EIF4G3: variants seen among roughly 807,000 people sequenced by gnomAD.
EIF4G3 encodes the protein eukaryotic translation initiation factor 4 gamma 3.
In EIF4G3, 34 loss-of-function variants were observed where a neutral mutation model predicts 186.4. That is an observed-to-expected ratio of 0.18 (90% CI 0.14 to 0.24). EIF4G3 has a LOEUF of 0.24. Ranked by LOEUF, EIF4G3 falls within the 10% of genes least tolerant of loss-of-function variation. The pLI, the probability that EIF4G3 is intolerant of heterozygous loss-of-function variation, is 1.00. For missense variants in EIF4G3, 1,536 were observed against 1,948.5 expected (o/e 0.79, Z 3.99); for synonymous variants, 673 against 679.5 (o/e 0.99, Z 0.15).
intron 2 of EIF4G3, among the ~76,000 whole-genome samples, chr1:21,127,004 G>C (rs1340194376): frequency 6.6e-6 from 1 of 151,928 alleles, no homozygotes. Flanking sequence ...TTGTTGTTGA[G>C]AAAAGGTCTC....
intron 25 of EIF4G3, among the ~76,000 whole-genome samples, chr1:20,855,809 C>T (rs1223109646): frequency 1.3e-5 from 2 of 152,084 alleles, no homozygotes; most frequent in Admixed American, 6.6e-5. Flanking sequence ...ATATGTATAA[C>T]GGTTTTGTTC....
At chr1:21,101,395 C>CTT (rs1362959242) in intron 2 of EIF4G3, among the ~76,000 whole-genome samples, 1 of 151,768 alleles carries the variant, frequency 6.6e-6, no homozygotes, top group African/African-American at 2.4e-5. Flanking sequence ...TGGCAAAACT[C>CTT]TGTCTCTACC....
chr1:20,830,181 A>G lies in EIF4G3; in HGVS notation c.4062-909T>C, dbSNP rs2064738862. On this transcript the variant is annotated intron_variant, in intron 30 of 36. Transcript: ENST00000602326. ...CCCTTTCAGATCTCTACAATTGTAA[A>G]ACGTGTGCTTTTCCACTGCAGTTCC... Among the ~76,000 whole-genome samples, 3 of 152,152 alleles carry G rather than the reference A, an allele frequency of 2.0e-5. No individual in the cohort carries two copies. The East Asian group carries it at 5.8e-4, about 29-fold the overall frequency.
At chr1:20,809,793 C>T (rs948077670) in intron 36 of EIF4G3, among the ~76,000 whole-genome samples, 16 of 152,174 alleles carry the variant, frequency 1.1e-4, no homozygotes, top group Non-Finnish European at 2.4e-4. Flanking sequence ...TCCTAAGTCA[C>T]AACAGACATA....
intron 2 of EIF4G3, among the ~76,000 whole-genome samples, chr1:21,101,048 G>A (rs2096506813): frequency 6.6e-6 from 1 of 152,098 alleles, no homozygotes; most frequent in Non-Finnish European, 1.5e-5. Flanking sequence ...ATCAGATGAA[G>A]ACTGTCAATA....
At chr1:21,137,643 T>C (rs1044784189) in intron 2 of EIF4G3, among the ~76,000 whole-genome samples, 2 of 151,626 alleles carry the variant, frequency 1.3e-5, no homozygotes, top group Non-Finnish European at 2.9e-5. Context: ...ACCTTATCTT[T>C]ACAAAATTAA....
At chr1:20,870,952 T>C (rs945897294) in intron 20 of EIF4G3, among the ~76,000 whole-genome samples, 3 of 152,164 alleles carry the variant, frequency 2.0e-5, no homozygotes, top group African/African-American at 7.2e-5. Context: ...GCTGCATATA[T>C]GGATGGATAT....
intron 2 of EIF4G3, chr1:21,168,175 G>A: frequency 2.7e-6 from 1 of 370,720 alleles, no homozygotes; most frequent in Non-Finnish European, 5.6e-6. Flanking sequence ...AGGCTGAGGT[G>A]GGCAGATCAC....
At chr1:21,129,063 C>G (rs1050276165) in intron 2 of EIF4G3, among the ~76,000 whole-genome samples, 2 of 151,758 alleles carry the variant, frequency 1.3e-5, no homozygotes, top group Non-Finnish European at 3.0e-5. Flanking sequence ...GCCTGTAATC[C>G]CACAATTTTG....
At chr1:21,141,824 G>C (rs1340313904) in intron 2 of EIF4G3, among the ~76,000 whole-genome samples, 1 of 151,844 alleles carries the variant, frequency 6.6e-6, no homozygotes, top group African/African-American at 2.4e-5. Flanking sequence ...CCAGCTACTA[G>C]AGAGGTTGAA....
intron 3 of EIF4G3, among the ~76,000 whole-genome samples, chr1:21,068,855 T>C (rs1178990371): frequency 1.3e-5 from 2 of 152,218 alleles, no homozygotes; most frequent in African/African-American, 2.4e-5. Context: ...TTTCAGATTT[T>C]GGAACACCTG....
intron 18 of EIF4G3, among the ~76,000 whole-genome samples, chr1:20,887,547 C>T (rs2084603186): frequency 6.6e-6 from 1 of 151,902 alleles, no homozygotes; most frequent in African/African-American, 2.4e-5. Flanking sequence ...AAGAATGCAT[C>T]AGGATCAAAA....
intron 36 of EIF4G3, among the ~76,000 whole-genome samples, chr1:20,809,217 C>G (rs1413383814): frequency 1.3e-5 from 2 of 152,140 alleles, no homozygotes; most frequent in African/African-American, 4.8e-5. Flanking sequence ...GGGTGATCTG[C>G]ATGCCTCGGC....
At chr1:21,071,532 C>T (rs2095440002) in intron 3 of EIF4G3, among the ~76,000 whole-genome samples, 1 of 152,138 alleles carries the variant, frequency 6.6e-6, no homozygotes, top group Non-Finnish European at 1.5e-5. Flanking sequence ...CAAAAACTGG[C>T]ATTTGAAAAG....
chr1:20,952,859 G>GCAAACAAA (rs71014132), intron 12 of EIF4G3, among the ~76,000 whole-genome samples: 9,654 of 151,056 alleles, frequency 0.064, 372 homozygotes, highest in Non-Finnish European at 0.091. Flanking sequence ...TCGAAAACAA[G>GCAAACAAA]CAAACAAACA....
chr1:20,902,068 T>TG (rs2090487906), intron 15 of EIF4G3, among the ~76,000 whole-genome samples: 1 of 148,288 alleles, frequency 6.7e-6, no homozygotes, highest in South Asian at 2.1e-4. Context: ...AGGCTATAAT[T>TG]TTTTTTTTTT....
chr1:20,993,547 A>C (rs905470715), intron 7 of EIF4G3, among the ~76,000 whole-genome samples: 1 of 152,316 alleles, frequency 6.6e-6, no homozygotes, highest in East Asian at 1.9e-4. Flanking sequence ...AGCATCAACA[A>C]AAAGTTACTA....
At chr1:20,830,621 C>G (rs925375476) in intron 30 of EIF4G3, among the ~76,000 whole-genome samples, 2 of 152,164 alleles carry the variant, frequency 1.3e-5, no homozygotes, top group African/African-American at 4.8e-5. Context: ...GCCCAAGAGA[C>G]AACTGTAGCC....
At chr1:20,844,575 C>T (rs1246786498) in intron 29 of EIF4G3, among the ~76,000 whole-genome samples, 1 of 151,986 alleles carries the variant, frequency 6.6e-6, no homozygotes, top group Non-Finnish European at 1.5e-5. Flanking sequence ...GGCATGGTGG[C>T]TTACGCCTGT....
Sources: allele counts gnomAD v4.1 joint callset (sites outside exome capture counted in the v4.1 genomes callset), GRCh38; gene constraint gnomAD v4.1.1; transcripts MANE v1.5; gene names NCBI Gene and HGNC (gene_info 2026-07-23, HGNC 2026-07-21).